TNPO3: variants seen among roughly 807,000 people sequenced by gnomAD.
The protein encoded by TNPO3 is transportin 3.
Under a neutral mutation model 122.8 loss-of-function variants are expected in TNPO3, and 65 were observed. The ratio of observed to expected loss-of-function variants is 0.53; its 90% CI spans 0.43 to 0.65. The LOEUF is 0.65. Among genes scored for constraint, TNPO3 ranks in the 30% least tolerant of loss-of-function variants. TNPO3 has a pLI of 0.00. For missense variants in TNPO3, 850 were observed against 1,136.7 expected (o/e 0.75, Z 3.63); for synonymous variants, 372 against 411.2 (o/e 0.90, Z 1.15).
At chr7:129,000,375 A>G (rs1333577158) in intron 7 of TNPO3, 54 bp downstream of exon 7, 12 of 1,484,658 alleles carry the variant, frequency 8.1e-6, no homozygotes, top group Non-Finnish European at 9.0e-6. Flanking sequence ...AAATATAGAT[A>G]ATATGCAGCA....
At chr7:128,961,566 C>T (rs560449364) in intron 21 of TNPO3, among the ~76,000 whole-genome samples, 22 of 152,162 alleles carry the variant, frequency 1.4e-4, no homozygotes, top group Non-Finnish European at 2.9e-4. Context: ...TTTTCTGTCT[C>T]GGTCCTTCTG....
intron 16 of TNPO3, among the ~76,000 whole-genome samples, chr7:128,977,997 T>C (rs1258672238): frequency 1.3e-5 from 2 of 152,204 alleles, no homozygotes; most frequent in Non-Finnish European, 2.9e-5. Flanking sequence ...GGGTGGGGTA[T>C]GACTCTAGCC....
chr7:129,015,157 A>T, intron 3 of TNPO3, 22 bp from the exon 4 acceptor site: 1 of 1,601,184 alleles, frequency 6.2e-7, no homozygotes, highest in South Asian at 1.1e-5. Flanking sequence ...AAAAGTGGAG[A>T]TATGTTATTT....
At chr7:129,039,528 C>T (rs956594963) in intron 1 of TNPO3, among the ~76,000 whole-genome samples, 1 of 152,068 alleles carries the variant, frequency 6.6e-6, no homozygotes, top group African/African-American at 2.4e-5. Context: ...CCCCCACACT[C>T]CATCCTGGGT....
chr7:128,971,385 A>T (rs1334974199), intron 19 of TNPO3, among the ~76,000 whole-genome samples: 1 of 152,202 alleles, frequency 6.6e-6, no homozygotes, highest in Non-Finnish European at 1.5e-5. Context: ...ACCTCAAGTG[A>T]TCTGCACGCC....
At chr7:128,958,137 CTT>C (rs55683535) in intron 21 of TNPO3, among the ~76,000 whole-genome samples, 12 of 96,218 alleles carry the variant, frequency 1.2e-4, no homozygotes, top group South Asian at 8.3e-4. Context: ...GAAGCACTTC[CTT>C]TTTTTTTTTT....
At position 128,990,057 on chromosome 7, in the gene TNPO3, G is replaced by A. The variant is rs781140128; in HGVS notation, c.1402C>T (p.Arg468Cys). Residue 468 changes from arginine to cysteine, a missense_variant, in exon 11 of 23, where the codon CGC becomes TGC. Transcript: ENST00000265388. ...TLVEVLEGVV[R>C]LPETVHTAVR... Reference sequence around the variant, plus strand: ...GCCGTATGTACGGTCTCCGGGAGGCGGACAACTCCTTCTAGGACTTCCACA... The same window carrying A: ...GCCGTATGTACGGTCTCCGGGAGGCAGACAACTCCTTCTAGGACTTCCACA... 65 of 1,614,044 alleles carry A rather than the reference G, an allele frequency of 4.0e-5. No individual in the cohort carries two copies. Among genetic ancestry groups the A allele is most frequent in the Non-Finnish European group, 5.3e-5 (62 of 1,180,032 alleles).
chr7:128,964,542 A>G (rs1326388849), intron 21 of TNPO3, among the ~76,000 whole-genome samples: 1 of 151,996 alleles, frequency 6.6e-6, no homozygotes, highest in African/African-American at 2.4e-5. Context: ...TCACTGTTTT[A>G]GCCAGGATGG....
upstream of TNPO3, chr7:129,055,925 A>C (rs1157244984): frequency 9.3e-6 from 6 of 644,782 alleles, no homozygotes; most frequent in Middle Eastern, 6.3e-4. Flanking sequence ...TGTAGTTACA[A>C]GATCTCATTT....
At chr7:129,016,160 T>G (rs1361145024) in intron 3 of TNPO3, among the ~76,000 whole-genome samples, 2 of 152,100 alleles carry the variant, frequency 1.3e-5, no homozygotes, top group Admixed American at 6.5e-5. Flanking sequence ...CCCAGCACTT[T>G]GGGAGGCCGA....
chr7:129,018,213 G>A, intron 1 of TNPO3, 56 bp from the exon 2 acceptor site: 1 of 1,539,870 alleles, frequency 6.5e-7, no homozygotes, highest in Non-Finnish European at 8.9e-7. Flanking sequence ...TAATTTTAAT[G>A]ACATAACCTC....
At chr7:128,985,723 A>G (rs1310111561) in intron 12 of TNPO3, among the ~76,000 whole-genome samples, 4 of 152,260 alleles carry the variant, frequency 2.6e-5, no homozygotes, top group African/African-American at 9.6e-5. Context: ...ATTCCACTAG[A>G]AAATGACAAG....
At chr7:129,010,551 T>A (rs1405704996) in intron 4 of TNPO3, among the ~76,000 whole-genome samples, 3 of 152,142 alleles carry the variant, frequency 2.0e-5, no homozygotes, top group African/African-American at 7.2e-5. Context: ...AATTGAACAT[T>A]CATAAACTAA....
intron 11 of TNPO3, among the ~76,000 whole-genome samples, chr7:128,987,862 A>G (rs888834013): frequency 6.6e-6 from 1 of 152,126 alleles, no homozygotes; most frequent in African/African-American, 2.4e-5. Context: ...TACCACTGTA[A>G]GCCACCACGC....
intron 12 of TNPO3, 136 bp downstream of exon 12, chr7:128,986,593 A>G (rs1800177339): frequency 1.3e-6 from 1 of 752,938 alleles, no homozygotes; most frequent in Non-Finnish European, 2.1e-6. Flanking sequence ...CCTCTAGTGG[A>G]AAAGCCATCT....
At chr7:129,000,074 A>T (rs1469099859) in intron 7 of TNPO3, among the ~76,000 whole-genome samples, 4 of 152,096 alleles carry the variant, frequency 2.6e-5, no homozygotes, top group Non-Finnish European at 4.4e-5. Flanking sequence ...TTTGGAGAAA[A>T]ATTGGGGGTG....
At chr7:129,050,683 G>A (rs1043525300) in intron 1 of TNPO3, among the ~76,000 whole-genome samples, 1 of 152,158 alleles carries the variant, frequency 6.6e-6, no homozygotes, top group African/African-American at 2.4e-5. Flanking sequence ...TACATACTTA[G>A]TTGTGAGATC....
At chr7:129,045,991 A>G (rs1168701803) in intron 1 of TNPO3, among the ~76,000 whole-genome samples, 3 of 152,094 alleles carry the variant, frequency 2.0e-5, no homozygotes, top group African/African-American at 7.2e-5. Flanking sequence ...CGAGATCAGG[A>G]GATTGAGACC....
At chr7:129,022,349 A>T (rs1804619653) in intron 1 of TNPO3, among the ~76,000 whole-genome samples, 1 of 152,036 alleles carries the variant, frequency 6.6e-6, no homozygotes, top group Non-Finnish European at 1.5e-5. Flanking sequence ...CCTGCCACTA[A>T]TTTTTTTAAT....
Sources: allele counts gnomAD v4.1 joint callset (sites outside exome capture counted in the v4.1 genomes callset), GRCh38; gene constraint gnomAD v4.1.1; transcripts MANE v1.5; gene names NCBI Gene and HGNC (gene_info 2026-07-23, HGNC 2026-07-21).